Variants in HSF5 observed in about 807,000 individuals in gnomAD.
HSF5 encodes heat shock factor protein 5.
Under a neutral mutation model 50.8 loss-of-function variants are expected in HSF5, and 5 were observed. The observed-to-expected ratio is 0.10, with a 90% CI of 0.05 to 0.21. HSF5 has a LOEUF of 0.21. HSF5 is among the 10% of genes least tolerant of loss of function. The pLI is 1.00. For synonymous variants in HSF5, 307 were observed against 307.4 expected (o/e 1.00, Z 0.02); for missense variants, 564 against 762.6 (o/e 0.74, Z 3.07).
At chr17:58,467,748 A>T (rs934705800) in intron 2 of HSF5, among the ~76,000 whole-genome samples, 1 of 152,242 alleles carries the variant, frequency 6.6e-6, no homozygotes, top group Non-Finnish European at 1.5e-5. Context: ...TTTTAACTGA[A>T]GAAACACATT....
intron 5 of HSF5, among the ~76,000 whole-genome samples, chr17:58,433,350 T>A (rs1474157769): frequency 6.6e-6 from 1 of 152,140 alleles, no homozygotes; most frequent in African/African-American, 2.4e-5. Context: ...GTAGAATATA[T>A]TAAGCTTGGG....
At chr17:58,438,457 T>G (rs918687389) in intron 5 of HSF5, among the ~76,000 whole-genome samples, 7 of 152,190 alleles carry the variant, frequency 4.6e-5, no homozygotes, top group Non-Finnish European at 7.3e-5. Context: ...TATGTGCTAC[T>G]GGCTTTGCAG....
At chr17:58,430,610 C>T (rs967714533) in intron 5 of HSF5, among the ~76,000 whole-genome samples, 3 of 152,148 alleles carry the variant, frequency 2.0e-5, no homozygotes, top group Non-Finnish European at 4.4e-5. Context: ...TACTCTGGGA[C>T]TTACACCACA....
Position 58,488,259 on chromosome 17 carries a change from A to G in HSF5, c.16T>C (p.Ser6Pro). MEALL[S>P]TPINPNNFPA... ...AAGTTGTTGGGGTTGATGGGGGTGG[A>G]GAGCAGCGCCTCCATCGCCCCGCCG... The change falls in exon 1 of 6, where the codon TCC becomes CCC. Residue 6 changes from serine (S) to proline (P), a missense_variant. Coordinates refer to ENST00000323777, the MANE Select transcript of HSF5 (RefSeq NM_001080439.3). This position sits in a 1 kb window ranked among gnomAD's most constrained non-coding sequence, Gnocchi z 4.1. 2.0e-6 allele frequency: 3 copies of G among 1,485,274 alleles called. No individual in the cohort carries two copies. Among genetic ancestry groups the G allele is most frequent in the Non-Finnish European group, 2.7e-6 (3 of 1,131,344 alleles). 92.0% of individuals were successfully genotyped at this position (1,485,274 alleles called of 1,614,324 possible).
In HSF5 at chr17:58,455,418, C is replaced by A. The variant is rs138369919; in HGVS notation, c.1720+3350G>T. ...AAATGCTTCATGAAAATGGACTGGG[C>A]GAGGACTTTTTGGATAAGACCTCGA... On this transcript the variant is annotated intron_variant, in intron 5 of 5. Transcript: ENST00000323777. 5.3e-5 allele frequency among the ~76,000 whole-genome samples: 8 copies of A among 151,970 alleles called. No homozygotes were observed. The East Asian group carries it at 1.5e-3, about 29-fold the overall frequency.
chr17:58,467,572 A>T (rs755700654), intron 2 of HSF5, among the ~76,000 whole-genome samples: 4 of 152,248 alleles, frequency 2.6e-5, no homozygotes, highest in Non-Finnish European at 5.9e-5. Context: ...AGCATGGTTA[A>T]TCTCTGTGTA....
At chr17:58,439,649 T>C (rs1974474020) in intron 5 of HSF5, among the ~76,000 whole-genome samples, 1 of 152,194 alleles carries the variant, frequency 6.6e-6, no homozygotes. Flanking sequence ...CATGCCCAGC[T>C]AATTCTGTAT....
At position 58,488,087 on chromosome 17, in the gene HSF5, G is replaced by A; in HGVS notation, c.188C>T (p.Ala63Val). The A allele has an allele frequency of 6.8e-7, 1 of 1,476,362 alleles. No homozygotes were observed. The highest frequency in any genetic ancestry group is 1.2e-5 in the South Asian group (1 of 86,366). The allele number at this position is 1,476,362 out of a possible 1,614,324, so 91.5% of individuals were successfully genotyped here. A position where few individuals can be genotyped will look rare whatever the true frequency, so the allele number is the denominator to read the frequency against. The change falls in exon 1 of 6, where the codon GCG (alanine) becomes GTG (valine). Residue 63 changes from alanine to valine, a missense_variant. Physicochemically the swap from Ala to Val is moderately conservative, Grantham distance 64. Coordinates refer to ENST00000323777, the MANE Select transcript of HSF5 (RefSeq NM_001080439.3). The surrounding 1 kb of genome is among the most constrained non-coding windows in gnomAD (Gnocchi z 4.1). ...PPGPGGGGGT[A>V]GAGAEPELFK... ...GAGCTCGGGCTCGGCCCCGGCCCCCGCAGTCCCGCCACCGCCCCCCGGCCC... is the reference window on the plus strand; with the variant it reads ...GAGCTCGGGCTCGGCCCCGGCCCCCACAGTCCCGCCACCGCCCCCCGGCCC...
chr17:58,484,246 A>G (rs1305783766), intron 1 of HSF5, among the ~76,000 whole-genome samples: 1 of 152,108 alleles, frequency 6.6e-6, no homozygotes, highest in East Asian at 1.9e-4. Context: ...CATGAAAACA[A>G]TAACTTAGTT....
At chr17:58,439,558 C>T (rs1007078917) in intron 5 of HSF5, among the ~76,000 whole-genome samples, 6 of 151,864 alleles carry the variant, frequency 4.0e-5, no homozygotes, top group African/African-American at 1.5e-4. Context: ...GATCTCGGCT[C>T]ACTGCAACCT....
chr17:58,481,968 C>CA (rs1248675242), intron 1 of HSF5, among the ~76,000 whole-genome samples: 11 of 152,152 alleles, frequency 7.2e-5, no homozygotes, highest in Non-Finnish European at 1.5e-5. Flanking sequence ...CCACTGTACT[C>CA]CAGCCTGGGT....
chr17:58,451,298 C>A (rs1393184760), intron 5 of HSF5, among the ~76,000 whole-genome samples: 1 of 152,138 alleles, frequency 6.6e-6, no homozygotes, highest in East Asian at 1.9e-4. Flanking sequence ...CAGAAATCAA[C>A]AAAGAAACAT....
chr17:58,430,193 C>A (rs1974344590), intron 5 of HSF5, among the ~76,000 whole-genome samples: 1 of 152,134 alleles, frequency 6.6e-6, no homozygotes, highest in African/African-American at 2.4e-5. Context: ...CCTGCCTCAG[C>A]CTCCCAAGTA....
chr17:58,487,659 A>G lies in HSF5; in HGVS notation c.550+66T>C. 5 of 1,351,132 alleles carry G rather than the reference A, an allele frequency of 3.7e-6. No homozygotes were observed. In the South Asian group the frequency reaches 6.5e-5, roughly 18 times the overall value. 83.7% of individuals were successfully genotyped at this position (1,351,132 alleles called of 1,614,324 possible). A position where few individuals can be genotyped will look rare whatever the true frequency, so the allele number is the denominator to read the frequency against. ...GAGGACGTGCGAAAATGCGCCCTCCAGCGGCGGTTGCTCCCCGCCGCCCAT... is the reference window on the plus strand; with the variant it reads ...GAGGACGTGCGAAAATGCGCCCTCCGGCGGCGGTTGCTCCCCGCCGCCCAT... On this transcript the variant is annotated intron_variant, in intron 1 of 5. Coordinates refer to ENST00000323777, the MANE Select transcript of HSF5 (RefSeq NM_001080439.3).
At chr17:58,429,447 T>C (rs995853752) in intron 5 of HSF5, among the ~76,000 whole-genome samples, 2 of 152,118 alleles carry the variant, frequency 1.3e-5, no homozygotes, top group African/African-American at 4.8e-5. Flanking sequence ...GGCAGGAGGA[T>C]TGCTTGAGCC....
chr17:58,456,995 A>G (rs1974720259), intron 5 of HSF5, among the ~76,000 whole-genome samples: 1 of 152,184 alleles, frequency 6.6e-6, no homozygotes, highest in African/African-American at 2.4e-5. Context: ...GCAGTGGCTC[A>G]TGCCTGCAAT....
chr17:58,466,624 A>C (rs1974870534), intron 3 of HSF5, among the ~76,000 whole-genome samples: 1 of 152,194 alleles, frequency 6.6e-6, no homozygotes, highest in South Asian at 2.1e-4. Flanking sequence ...GGAATTTTTA[A>C]ATTTCATTTA....
chr17:58,466,674 AC>A (rs1303614650), intron 3 of HSF5, among the ~76,000 whole-genome samples: 1 of 152,086 alleles, frequency 6.6e-6, no homozygotes, highest in East Asian at 1.9e-4. Context: ...GCTAGTGGCT[AC>A]TATATTGAAC....
At chr17:58,442,600 T>C (rs1489819746) in intron 5 of HSF5, among the ~76,000 whole-genome samples, 1 of 152,356 alleles carries the variant, frequency 6.6e-6, no homozygotes, top group East Asian at 1.9e-4. Context: ...ATGGTCATAG[T>C]TTTTCTCGTT....
Sources: allele counts gnomAD v4.1 joint callset (sites outside exome capture counted in the v4.1 genomes callset), GRCh38; gene constraint gnomAD v4.1.1; non-coding constraint Gnocchi (gnomAD v3.1); transcripts MANE v1.5; gene names NCBI Gene and HGNC (gene_info 2026-07-23, HGNC 2026-07-21).